CEP295NL: variants seen among roughly 807,000 people sequenced by gnomAD.
CEP295NL encodes CEP295 N-terminal like.
A neutral mutation model predicts 4.6 loss-of-function variants in CEP295NL; 3 were observed. The ratio of observed to expected loss-of-function variants is 0.65; its 90% CI spans 0.30 to 1.69. The LOEUF (loss-of-function observed/expected upper bound fraction) is 1.69, where lower values mean the gene tolerates loss of function less well. Ranked by LOEUF, CEP295NL falls within the 40% of genes most tolerant of loss-of-function variation. The pLI, the probability that CEP295NL is intolerant of heterozygous loss-of-function variation, is 0.10. For missense variants in CEP295NL, 719 were observed against 769.0 expected (o/e 0.93, Z 0.77); for synonymous variants, 295 against 312.2 (o/e 0.94, Z 0.58).
Position 78,891,395 on chromosome 17 carries a change from T to C in CEP295NL, c.1109A>G (p.Asp370Gly), listed in dbSNP as rs1054224805. The C allele has an allele frequency of 3.9e-6, 6 of 1,550,758 alleles. No individual in the cohort carries two copies. Among genetic ancestry groups the C allele is most frequent in the Non-Finnish European group, 4.4e-6 (5 of 1,147,044 alleles). ...CLYLALKPRM[D>G]QRPGEGHAFS... ...GGCATGCCCTTCCCCAGGTCTCTGG[T>C]CCATCCTGGGCTTCAGTGCCAGGTA... The change falls in exon 3 of 3, where the codon GAC (aspartate) becomes GGC (glycine). Residue 370 changes from aspartate to glycine, a missense_variant. Physicochemically the swap from Asp to Gly is moderately conservative, Grantham distance 94. Coordinates refer to ENST00000322630, the MANE Select transcript of CEP295NL (RefSeq NM_001243540.2). The surrounding 1 kb of genome is among the most constrained non-coding windows in gnomAD (Gnocchi z 4.5).
intron 2 of CEP295NL, among the ~76,000 whole-genome samples, chr17:78,895,884 G>T (rs1429996727): frequency 6.6e-6 from 1 of 152,208 alleles, no homozygotes; most frequent in Non-Finnish European, 1.5e-5. Context: ...CACACCCCTT[G>T]TCAACCAACA....
chr17:78,890,662 C>T lies in CEP295NL; in HGVS notation c.1842G>A (p.Leu614=), dbSNP rs956745462. Residue 614 remains leucine (L), a synonymous_variant, in exon 3 of 3, where the codon TTG becomes TTA. Coordinates refer to ENST00000322630, the MANE Select transcript of CEP295NL (RefSeq NM_001243540.2). Reference sequence around the variant, plus strand: ...TTTAGCATATGTTCTGAAACTCCCGCAAGCATTTCCGGGCTTCTTCAAGAA... The same window carrying T: ...TTTAGCATATGTTCTGAAACTCCCGTAAGCATTTCCGGGCTTCTTCAAGAA... ...KQFLEEARKC[L]REFQNIC The T allele has an allele frequency of 1.9e-6, 3 of 1,550,302 alleles. No homozygotes were observed. In the African/African-American group the frequency reaches 4.1e-5, roughly 21 times the overall value.
At chr17:78,893,211 ATGTGTGTGCAGGGG>A (rs1244432330) in intron 2 of CEP295NL, among the ~76,000 whole-genome samples, 4 of 73,892 alleles carry the variant, frequency 5.4e-5, no homozygotes, top group Admixed American at 4.1e-4. Context: ...ATGTGTGTGC[ATGTGTGTGCAGGGG>A]TGTGTGTGCA....
chr17:78,900,667 C>T (rs1568004152), intron 2 of CEP295NL, among the ~76,000 whole-genome samples: 1 of 152,198 alleles, frequency 6.6e-6, no homozygotes, highest in Non-Finnish European at 1.5e-5. Context: ...CTGTGGGCAT[C>T]CCCGGATACA....
In CEP295NL at chr17:78,891,731, G is replaced by C; in HGVS notation, c.773C>G (p.Ala258Gly). Residue 258 changes from alanine (A) to glycine (G), a missense_variant, in exon 3 of 3, where the codon GCT becomes GGT. Physicochemically the swap from Ala to Gly is moderately conservative, Grantham distance 60. Coordinates refer to ENST00000322630, the MANE Select transcript of CEP295NL (RefSeq NM_001243540.2). The surrounding 1 kb of genome is among the most constrained non-coding windows in gnomAD (Gnocchi z 4.5). The part of the protein sequence containing the change: ...ADLERSNPLV[A>G]AVGEIGLVEE... ...CACAAGCCCGATTTCTCCCACAGCA[G>C]CCACGAGTGGGTTTGACCTTTCTAG... The C allele has an allele frequency of 6.4e-7, 1 of 1,551,238 alleles. No homozygotes were observed. The highest frequency in any genetic ancestry group is 1.2e-5 in the South Asian group (1 of 84,062).
rs931005238 is a variant in CEP295NL, at chr17:78,896,292, G to C, written c.45-3833C>G. Reference sequence around the variant, plus strand: ...CTTAGCTGAGCCCAAGATGACCAAGGAGAAACAGCCGTTCACCTGTTGCAC... The same window carrying C: ...CTTAGCTGAGCCCAAGATGACCAAGCAGAAACAGCCGTTCACCTGTTGCAC... On this transcript the variant is annotated intron_variant, in intron 2 of 2. Coordinates refer to ENST00000322630, the MANE Select transcript of CEP295NL (RefSeq NM_001243540.2). This position sits in a 1 kb window ranked among gnomAD's most constrained non-coding sequence, Gnocchi z 4.4. Among the ~76,000 whole-genome samples the C allele has an allele frequency of 1.3e-5, 2 of 152,212 alleles. No individual in the cohort carries two copies. Among genetic ancestry groups the C allele is most frequent in the Admixed American group, 6.5e-5 (1 of 15,284 alleles).
chr17:78,901,968 A>G (rs1212732370), intron 1 of CEP295NL, 42 bp from the exon 2 acceptor site: 17 of 592,068 alleles, frequency 2.9e-5, no homozygotes, highest in Middle Eastern at 3.7e-4. Flanking sequence ...CAAACATCAG[A>G]AACATTTTTA....
intron 2 of CEP295NL, 135 bp downstream of exon 2, chr17:78,901,650 C>T (rs1289816387): frequency 2.0e-5 from 14 of 704,162 alleles, no homozygotes; most frequent in African/African-American, 1.4e-4. Flanking sequence ...CTAGGCCAAG[C>T]GACTTCACTC....
Position 78,891,620 on chromosome 17 carries a change from C to A in CEP295NL, c.884G>T (p.Arg295Leu), listed in dbSNP as rs564784149. Residue 295 changes from arginine (R) to leucine (L), a missense_variant, in exon 3 of 3, where the codon CGC becomes CTC. Transcript: ENST00000322630. This position sits in a 1 kb window ranked among gnomAD's most constrained non-coding sequence, Gnocchi z 4.5. ...AVCFVPALTS[R>L]SQGQSLEGKL... ...CCCCTCCAGACTCTGTCCCTGAGAG[C>A]GACTGGTCAGGGCTGGAACAAAGCA... 369 of 1,550,924 alleles carry A rather than the reference C, an allele frequency of 2.4e-4. 1 individual carries two copies. In the African/African-American group the frequency reaches 4.6e-3, roughly 19 times the overall value.
intron 2 of CEP295NL, chr17:78,899,462 G>C (rs1047219376): frequency 1.3e-5 from 2 of 152,238 alleles, no homozygotes; most frequent in African/African-American, 4.8e-5. Flanking sequence ...TGCTGGTGAA[G>C]GGGTAGATTC....
intron 2 of CEP295NL, among the ~76,000 whole-genome samples, chr17:78,894,507 T>C (rs963106580): frequency 2.0e-5 from 3 of 152,130 alleles, no homozygotes; most frequent in Non-Finnish European, 4.4e-5. Flanking sequence ...AATGCAATGA[T>C]TGAGATTTTT....
Position 78,900,570 on chromosome 17 carries a change from A to G in CEP295NL, c.44+1215T>C, listed in dbSNP as rs527301369. On this transcript the variant is annotated intron_variant, in intron 2 of 2. Coordinates refer to ENST00000322630, the MANE Select transcript of CEP295NL (RefSeq NM_001243540.2). ...AAAAAAAAAAAAAAATGTGTTTTTT[A>G]ATAAAGTAAGTAGAGTCCGAGGTGG... Among the ~76,000 whole-genome samples, 7 of 151,536 alleles carry G rather than the reference A, an allele frequency of 4.6e-5. No homozygotes were observed. In the South Asian group the frequency reaches 1.5e-3, roughly 31 times the overall value.
Position 78,898,815 on chromosome 17 carries a change from G to A in CEP295NL, c.44+2970C>T, listed in dbSNP as rs191403083. On this transcript the variant is annotated intron_variant, in intron 2 of 2. Coordinates refer to ENST00000322630, the MANE Select transcript of CEP295NL (RefSeq NM_001243540.2). ...TGCAGTGGTGCAATCTCAGCTCACT[G>A]CAACCTCCCCCTCCTGGGTTCATGC... 3.4e-3 allele frequency: 511 copies of A among 152,300 alleles called. 8 individuals are homozygous for A. The highest frequency in any genetic ancestry group is 0.012 in the African/African-American group (494 of 41,516). The allele number at this position is 152,300 out of a possible 1,614,324, so 9.4% of individuals were successfully genotyped here.
chr17:78,895,065 G>A (rs577112805), intron 2 of CEP295NL, among the ~76,000 whole-genome samples: 2 of 152,270 alleles, frequency 1.3e-5, no homozygotes, highest in East Asian at 3.9e-4. Flanking sequence ...CGGATCACTT[G>A]AGGTCAGGAG....
chr17:78,899,008 G>C (rs2070046294), intron 2 of CEP295NL: 1 of 152,344 alleles, frequency 6.6e-6, no homozygotes, highest in Non-Finnish European at 1.5e-5. Flanking sequence ...AAAGTGCTGG[G>C]ATTCCAGGCA....
chr17:78,892,306 G>T lies in CEP295NL; in HGVS notation c.198C>A (p.Ser66Arg), dbSNP rs1387985921. 13 of 1,550,556 alleles carry T rather than the reference G, an allele frequency of 8.4e-6. No homozygotes were observed. Among genetic ancestry groups the T allele is most frequent in the South Asian group, 3.6e-5 (3 of 84,070 alleles). The change falls in exon 3 of 3, where the codon AGC (serine) becomes AGA (arginine). Residue 66 changes from serine to arginine, a missense_variant. Transcript: ENST00000322630. ...GCAGGTCTTCGTTATCAGGACAGAG[G>T]CTCAGCCACATGGCTCCATCCATGT... ...NRNMDGAMWL[S>R]LCPDNEDLLW...
intron 2 of CEP295NL, among the ~76,000 whole-genome samples, chr17:78,901,523 C>G (rs545583171): frequency 5.9e-5 from 9 of 151,954 alleles, no homozygotes; most frequent in African/African-American, 1.4e-4. Context: ...CAGGAGGGGC[C>G]CACTGACCAA....
rs527447361 is a variant in CEP295NL at position 78,892,196 on chromosome 17, T to C, written c.308A>G (p.Lys103Arg). 6.4e-7 allele frequency: 1 copy of C among 1,551,074 alleles called. No homozygotes were observed. The highest frequency in any genetic ancestry group is 2.0e-5 in the Admixed American group (1 of 51,018). Residue 103 changes from lysine to arginine, a missense_variant, in exon 3 of 3, where the codon AAA becomes AGA. Transcript: ENST00000322630. ...LQRRADAKLW[K>R]NYQLQRLAEE... The stretch of plus-strand genomic sequence containing the variant: ...AGCCAAGCGCTGGAGCTGGTAGTTT[T>C]TCCACAGCTTGGCATCCGCTCTTCT...
intron 2 of CEP295NL, among the ~76,000 whole-genome samples, chr17:78,893,401 G>A (rs1483055509): frequency 4.9e-5 from 5 of 101,870 alleles, no homozygotes; most frequent in African/African-American, 1.5e-4. Flanking sequence ...GTGTATGCAG[G>A]GGTGTGTGTG....
Sources: gnomAD v4.1 joint callset for allele counts (sites outside exome capture counted in the v4.1 genomes callset) on GRCh38, gnomAD v4.1.1 for gene constraint, Gnocchi (gnomAD v3.1) non-coding constraint, MANE v1.5 for transcripts, NCBI Gene and HGNC (gene_info 2026-07-23, HGNC 2026-07-21) for gene names.